GSE1: variants seen among roughly 807,000 people sequenced by gnomAD.
The protein encoded by GSE1 is Gse1 coiled-coil protein.
Under a neutral mutation model 112.6 loss-of-function variants are expected in GSE1, and 32 were observed. The observed-to-expected ratio is 0.28, with a 90% CI of 0.21 to 0.38. GSE1 has a LOEUF of 0.38. Ranked by LOEUF, GSE1 falls within the 10% of genes least tolerant of loss-of-function variation. The pLI is 1.00. For synonymous variants in GSE1, 1,115 were observed against 735.6 expected (o/e 1.52, Z -8.35); for missense variants, 2,348 against 1,699.2 (o/e 1.38, Z -6.71).
Position 85,260,031 on chromosome 16 carries a change from A to G in GSE1, c.2283+88224A>G, listed in dbSNP as rs572861210. Among the ~76,000 whole-genome samples, 123 of 152,326 alleles carry G rather than the reference A, an allele frequency of 8.1e-4. 1 individual carries two copies. Among genetic ancestry groups the G allele is most frequent in the Non-Finnish European group, 1.3e-3 (88 of 68,028 alleles). ...TCCATCTGGCCAGCACTTACCAGAA[A>G]GGGACGGAGATGAGGCAGTGGAGGA... On this transcript the variant is annotated intron_variant, in intron 1 of 2. Transcript: ENST00000637419.
chr16:85,617,623 C>T (rs1346948581), intron 1 of GSE1, among the ~76,000 whole-genome samples: 3 of 123,000 alleles, frequency 2.4e-5, no homozygotes, highest in South Asian at 3.0e-4. Context: ...TTAACTGCCA[C>T]GTGCAGCCCA....
chr16:85,613,192 T>C (rs2048109609), upstream of GSE1: 1 of 1,411,488 alleles, frequency 7.1e-7, no homozygotes, highest in Non-Finnish European at 9.2e-7. Flanking sequence ...GGCCCGGGAG[T>C]GGGCGGCGTT....
In GSE1 at chr16:85,171,586, C is replaced by A. The variant is rs1403021474; in HGVS notation, c.2062C>A (p.Gln688Lys). The A allele has an allele frequency of 7.1e-6, 7 of 985,460 alleles. No individual in the cohort carries two copies. The African/African-American group carries it at 1.0e-4, about 15-fold the overall frequency. 61.0% of individuals were successfully genotyped at this position (985,460 alleles called of 1,614,324 possible). ...GGAGACGTTCGTGTGCTTCTTTTGT[C>A]AGCAGGAGAAGAAACGGTGTCTGGG... The change falls in exon 1 of 3, where the codon CAG becomes AAG. Residue 688 changes from glutamine (Q) to lysine (K), a missense_variant. Transcript: ENST00000637419.
chr16:85,203,161 C>T (rs1453286432), intron 1 of GSE1, among the ~76,000 whole-genome samples: 1 of 151,780 alleles, frequency 6.6e-6, no homozygotes, highest in African/African-American at 2.4e-5. Context: ...ACACCTGGCT[C>T]TGGGGCTGCT....
chr16:85,463,521 C>T (rs1052856997), intron 2 of GSE1, among the ~76,000 whole-genome samples: 9 of 152,174 alleles, frequency 5.9e-5, no homozygotes, highest in African/African-American at 2.2e-4. Flanking sequence ...GGCAGGGCCC[C>T]TCGTGCCTGC....
intron 2 of GSE1, among the ~76,000 whole-genome samples, chr16:85,400,739 G>A (rs56792551): frequency 0.026 from 3,963 of 151,024 alleles, 198 homozygotes; most frequent in African/African-American, 0.092. Context: ...GTGTGTCTCT[G>A]TATGTGGTTG....
chr16:85,217,517 G>A (rs1034071511), intron 1 of GSE1, among the ~76,000 whole-genome samples: 3 of 152,260 alleles, frequency 2.0e-5, no homozygotes, highest in African/African-American at 7.2e-5. Flanking sequence ...GGGATCCCAG[G>A]CTCAGAGAGT....
intron 1 of GSE1, among the ~76,000 whole-genome samples, chr16:85,200,974 A>G (rs1597786475): frequency 1.3e-5 from 2 of 152,256 alleles, no homozygotes; most frequent in Non-Finnish European, 2.9e-5. Flanking sequence ...GCAGGCTCCA[A>G]GCCTGGAGCA....
chr16:85,520,675 G>T (rs746153699), intron 2 of GSE1, among the ~76,000 whole-genome samples: 3 of 151,724 alleles, frequency 2.0e-5, no homozygotes. Context: ...TACCTGCCTC[G>T]GCCTCCCAAA....
At chr16:85,331,531 A>ATC (rs2046358500) in intron 1 of GSE1, among the ~76,000 whole-genome samples, 3 of 96,222 alleles carry the variant, frequency 3.1e-5, no homozygotes, top group African/African-American at 1.3e-4. Flanking sequence ...ATATATGTGT[A>ATC]TATGTGTATA....
intron 2 of GSE1, among the ~76,000 whole-genome samples, chr16:85,473,085 G>A (rs1275129722): frequency 2.0e-5 from 3 of 152,268 alleles, no homozygotes; most frequent in South Asian, 2.1e-4. Flanking sequence ...GAGGCCTCTC[G>A]AGGGAGGACA....
chr16:85,668,436 C>A lies in GSE1; in HGVS notation c.3415+12C>A, dbSNP rs201809685. On this transcript the variant is annotated intron_variant, in intron 14 of 15. Transcript: ENST00000253458. ...GGAACACATAGAAGGTAAGGGGGTG[C>A]TGGGGAAGAGGGGGGAGGGGGTCAG... 1 of 1,485,812 alleles carries A rather than the reference C, an allele frequency of 6.7e-7. No homozygotes were observed. Among genetic ancestry groups the A allele is most frequent in the East Asian group, 2.3e-5 (1 of 43,898 alleles). 92.0% of individuals were successfully genotyped at this position (1,485,812 alleles called of 1,614,324 possible).
chr16:85,602,081 AC>A (rs1428133218), intron 1 of GSE1, among the ~76,000 whole-genome samples: 2 of 152,196 alleles, frequency 1.3e-5, no homozygotes, highest in African/African-American at 4.8e-5. Flanking sequence ...TCCCAGCCCC[AC>A]CGTCCAGGGA....
chr16:85,512,902 A>T (rs888936784), intron 2 of GSE1, among the ~76,000 whole-genome samples: 1 of 152,022 alleles, frequency 6.6e-6, no homozygotes, highest in Non-Finnish European at 1.5e-5. Flanking sequence ...TCACCAGACA[A>T]GGCCTTGAGA....
At chr16:85,553,295 C>A (rs2045023768), upstream of GSE1, among the ~76,000 whole-genome samples, 1 of 123,168 alleles carries the variant, frequency 8.1e-6, no homozygotes, top group African/African-American at 3.0e-5. Context: ...GCTTGCCAGG[C>A]CGCCGCCGCC....
chr16:85,479,188 A>ATTTTTT (rs59825091), intron 2 of GSE1, among the ~76,000 whole-genome samples: 1,106 of 82,388 alleles, frequency 0.013, 115 homozygotes, highest in African/African-American at 0.05. Context: ...TGCCCGGCTA[A>ATTTTTT]TTTTTTTTTT....
At chr16:85,591,698 G>A (rs1449928344) in intron 1 of GSE1, among the ~76,000 whole-genome samples, 3 of 152,214 alleles carry the variant, frequency 2.0e-5, no homozygotes, top group East Asian at 1.9e-4. Flanking sequence ...GGACTCCGTC[G>A]GCTCCTTTTC....
intron 1 of GSE1, among the ~76,000 whole-genome samples, chr16:85,605,313 G>T (rs565100230): frequency 2.6e-5 from 4 of 152,082 alleles, no homozygotes; most frequent in Middle Eastern, 3.4e-3. Context: ...AAAGAGTTCC[G>T]CTGCTCTCAC....
chr16:85,635,260 G>A (rs1021911042), intron 2 of GSE1, among the ~76,000 whole-genome samples: 3 of 152,190 alleles, frequency 2.0e-5, no homozygotes, highest in Non-Finnish European at 4.4e-5. Flanking sequence ...ATTGGCCCAG[G>A]AGGGAGGCCC....
Sources: allele counts gnomAD v4.1 joint callset (sites outside exome capture counted in the v4.1 genomes callset), GRCh38; gene constraint gnomAD v4.1.1; transcripts MANE v1.5; gene names NCBI Gene and HGNC (gene_info 2026-07-23, HGNC 2026-07-21).